Variants in ANKS1B observed in about 807,000 individuals in gnomAD.
ANKS1B encodes the protein ankyrin repeat and sterile alpha motif domain containing 1B, also known as ankyrin repeat and sterile alpha motif domain-containing protein 1B.
A neutral mutation model predicts 148.3 loss-of-function variants in ANKS1B; 36 were observed. That is an observed-to-expected ratio of 0.24 (90% CI 0.19 to 0.32). The LOEUF is 0.32. Among genes scored for constraint, ANKS1B ranks in the 10% least tolerant of loss-of-function variants. The pLI, the probability that ANKS1B is intolerant of heterozygous loss-of-function variation, is 1.00. For missense variants in ANKS1B, 1,157 were observed against 1,542.6 expected (o/e 0.75, Z 4.19); for synonymous variants, 542 against 560.8 (o/e 0.97, Z 0.47).
chr12:99,974,892 T>C (rs1160502127), intron 1 of ANKS1B, among the ~76,000 whole-genome samples: 1 of 152,118 alleles, frequency 6.6e-6, no homozygotes, highest in Non-Finnish European at 1.5e-5. Flanking sequence ...TGGTCAATCC[T>C]TTCCAGAAGG....
At chr12:99,302,018 TTAGCAGAAAC>T (rs2081699601) in intron 12 of ANKS1B, among the ~76,000 whole-genome samples, 2 of 152,094 alleles carry the variant, frequency 1.3e-5, no homozygotes, top group Admixed American at 1.3e-4. Flanking sequence ...GAAGGTTTTC[TTAGCAGAAAC>T]ACAGAAAACA....
chr12:99,477,050 G>A (rs1397996233), intron 10 of ANKS1B, among the ~76,000 whole-genome samples: 1 of 152,150 alleles, frequency 6.6e-6, no homozygotes, highest in Non-Finnish European at 1.5e-5. Flanking sequence ...ATCAAAATGA[G>A]TGAACCAGAC....
At chr12:99,125,426 C>T (rs938644126) in intron 15 of ANKS1B, among the ~76,000 whole-genome samples, 38 of 152,108 alleles carry the variant, frequency 2.5e-4, no homozygotes, top group African/African-American at 9.2e-4. Flanking sequence ...GAGAAATGTA[C>T]CCAGGGCTCT....
At chr12:99,455,991 AC>A (rs2095842056) in intron 10 of ANKS1B, among the ~76,000 whole-genome samples, 1 of 152,154 alleles carries the variant, frequency 6.6e-6, no homozygotes, top group African/African-American at 2.4e-5. Context: ...TAACAAAAAT[AC>A]AACCAAGGAC....
chr12:99,773,627 T>C (rs968148402), intron 7 of ANKS1B, among the ~76,000 whole-genome samples: 6 of 152,108 alleles, frequency 3.9e-5, no homozygotes, highest in Non-Finnish European at 8.8e-5. Flanking sequence ...GAAGATTTTG[T>C]AGATTACATG....
intron 12 of ANKS1B, among the ~76,000 whole-genome samples, chr12:99,316,847 T>A (rs2084206521): frequency 6.6e-6 from 1 of 152,204 alleles, no homozygotes; most frequent in South Asian, 2.1e-4. Context: ...AATTTTTGTA[T>A]AAGGTGTAAG....
At chr12:99,504,673 T>C in intron 9 of ANKS1B, 32 bp from the exon 10 acceptor site, 1 of 1,467,948 alleles carries the variant, frequency 6.8e-7, no homozygotes, top group Non-Finnish European at 9.1e-7. Context: ...AACAGCTTTG[T>C]GATGAAGAAA....
At chr12:99,080,422 T>C (rs2049299832) in intron 16 of ANKS1B, among the ~76,000 whole-genome samples, 1 of 152,172 alleles carries the variant, frequency 6.6e-6, no homozygotes, top group South Asian at 2.1e-4. Flanking sequence ...ACGTTGAGTA[T>C]AGACAACTAC....
At chr12:99,887,388 T>TGG (rs1414966674) in intron 1 of ANKS1B, among the ~76,000 whole-genome samples, 1 of 152,232 alleles carries the variant, frequency 6.6e-6, no homozygotes, top group Non-Finnish European at 1.5e-5. Context: ...ATGGGTTGGA[T>TGG]TAAATAAAAT....
At chr12:99,155,132 G>A in intron 14 of ANKS1B, 1 of 1,489,208 alleles carries the variant, frequency 6.7e-7, no homozygotes, top group South Asian at 1.3e-5. Context: ...AAAGACACCA[G>A]GAAATGCGAA....
At chr12:99,756,651 G>A (rs2061596270) in intron 8 of ANKS1B, among the ~76,000 whole-genome samples, 1 of 152,016 alleles carries the variant, frequency 6.6e-6, no homozygotes, top group African/African-American at 2.4e-5. Context: ...AAAGCTGGAG[G>A]CATCATGCTA....
intron 17 of ANKS1B, among the ~76,000 whole-genome samples, chr12:98,853,974 G>C (rs756015394): frequency 1.3e-5 from 2 of 152,170 alleles, no homozygotes; most frequent in African/African-American, 4.8e-5. Context: ...TATGATCTGG[G>C]ACCAGGGATG....
intron 9 of ANKS1B, among the ~76,000 whole-genome samples, chr12:99,543,259 AACC>A (rs1323575209): frequency 1.3e-5 from 2 of 152,264 alleles, no homozygotes; most frequent in East Asian, 3.9e-4. Flanking sequence ...TGCAAATCAA[AACC>A]ACAATAAGAA....
At chr12:99,445,875 C>G (rs915325731) in intron 10 of ANKS1B, among the ~76,000 whole-genome samples, 3 of 151,856 alleles carry the variant, frequency 2.0e-5, no homozygotes, top group Non-Finnish European at 4.4e-5. Context: ...GTGCACATTA[C>G]CACATCTGGC....
intron 24 of ANKS1B, among the ~76,000 whole-genome samples, chr12:98,780,023 A>C (rs2098718276): frequency 1.3e-5 from 2 of 152,208 alleles, no homozygotes; most frequent in African/African-American, 2.4e-5. Flanking sequence ...TTCGTCACAG[A>C]AAACCAATTG....
chr12:99,935,354 T>C (rs2094735878), intron 1 of ANKS1B, among the ~76,000 whole-genome samples: 1 of 80,704 alleles, frequency 1.2e-5, no homozygotes, highest in Non-Finnish European at 2.7e-5. Context: ...TGTAGATGCC[T>C]GACAAAAAAA....
chr12:99,065,832 G>A (rs900804645), intron 16 of ANKS1B, among the ~76,000 whole-genome samples: 1 of 152,236 alleles, frequency 6.6e-6, no homozygotes, highest in Non-Finnish European at 1.5e-5. Context: ...GGGGAAGACA[G>A]ATAATAATTA....
At position 98,744,927 on chromosome 12, in the gene ANKS1B, C is replaced by A. The variant is rs1473931929; in HGVS notation, c.*812G>T. ...TCACCAGTATTTTGCCACCACTGAG[C>A]CAGTCCTCTTGGTAGTAGCAGTAGA... On this transcript the variant is annotated 3_prime_UTR_variant, in exon 27 of 27. Transcript: ENST00000683438. 44 of 985,606 alleles carry A rather than the reference C, an allele frequency of 4.5e-5. No homozygotes were observed. The highest frequency in any genetic ancestry group is 4.8e-5 in the Non-Finnish European group (40 of 829,892). The allele number at this position is 985,606 out of a possible 1,614,324, so 61.1% of individuals were successfully genotyped here. A position where few individuals can be genotyped will look rare whatever the true frequency, so the allele number is the denominator to read the frequency against.
Position 98,751,278 on chromosome 12 carries a change from C to A in ANKS1B, c.3747+77G>T. 1.4e-6 allele frequency: 2 copies of A among 1,474,728 alleles called. No individual in the cohort carries two copies. Among genetic ancestry groups the A allele is most frequent in the Non-Finnish European group, 1.8e-6 (2 of 1,090,334 alleles). The allele number at this position is 1,474,728 out of a possible 1,614,324, so 91.4% of individuals were successfully genotyped here. On this transcript the variant is annotated intron_variant, in intron 26 of 26. Transcript: ENST00000683438. This position sits in a 1 kb window ranked among gnomAD's most constrained non-coding sequence, Gnocchi z 4.3. ...GCCCTGGGTTCTAATGGCACCCACACCACACAAGGGCCTGGTTAGCAGCCC... is the reference window on the plus strand; with the variant it reads ...GCCCTGGGTTCTAATGGCACCCACAACACACAAGGGCCTGGTTAGCAGCCC...
Sources: gnomAD v4.1 joint callset for allele counts (sites outside exome capture counted in the v4.1 genomes callset) on GRCh38, gnomAD v4.1.1 for gene constraint, Gnocchi (gnomAD v3.1) non-coding constraint, MANE v1.5 for transcripts, NCBI Gene and HGNC (gene_info 2026-07-23, HGNC 2026-07-21) for gene names.